Variants in GGA1 observed in about 807,000 individuals in gnomAD.
GGA1 encodes the protein golgi associated, gamma adaptin ear containing, ARF binding protein 1.
In GGA1, 18 loss-of-function variants were observed where a neutral mutation model predicts 76.9. The ratio of observed to expected loss-of-function variants is 0.23; its 90% CI spans 0.16 to 0.35. GGA1 has a LOEUF of 0.35. GGA1 is among the 10% of genes least tolerant of loss of function. GGA1 has a pLI of 1.00. For synonymous variants in GGA1, 342 were observed against 354.7 expected, an observed-to-expected ratio of 0.96 and a Z score of 0.40; for missense variants, 755 against 859.0, an observed-to-expected ratio of 0.88 and a Z score of 1.51.
At chr22:37,617,648 A>G in intron 3 of GGA1, 2 of 643,974 alleles carry the variant, frequency 3.1e-6, no homozygotes, top group Non-Finnish European at 3.9e-6. Context: ...ACAGTGAGCT[A>G]TGATTGTGCC....
chr22:37,616,690 C>T (rs1928856405), intron 2 of GGA1, among the ~76,000 whole-genome samples: 1 of 152,212 alleles, frequency 6.6e-6, no homozygotes, highest in Non-Finnish European at 1.5e-5. Context: ...TCTGGCCCTG[C>T]CCTGCCACAA....
Position 37,624,946 on chromosome 22 carries a change from C to T in GGA1, c.833-23C>T. The T allele has an allele frequency of 1.3e-6, 2 of 1,559,534 alleles. No homozygotes were observed. Among genetic ancestry groups the T allele is most frequent in the Non-Finnish European group, 1.7e-6 (2 of 1,151,740 alleles). On this transcript the variant is annotated intron_variant, in intron 9 of 16. Coordinates refer to ENST00000343632, the MANE Select transcript of GGA1 (RefSeq NM_013365.5). This position sits in a 1 kb window ranked among gnomAD's most constrained non-coding sequence, Gnocchi z 4.3. ...GGCCCCCACAGTCCTTCAGCCTGGC[C>T]TCTCCCCTCCTGCCTGTTCCAGCGG... is the stretch of plus-strand genomic sequence containing the variant.
At chr22:37,613,078 G>C in intron 1 of GGA1, 1 of 985,334 alleles carries the variant, frequency 1.0e-6, no homozygotes, top group Non-Finnish European at 1.2e-6. Context: ...CAGGCTGGGG[G>C]ACACAAAAGA....
intron 5 of GGA1, 58 bp from the exon 6 acceptor site, chr22:37,620,755 A>G: frequency 9.5e-7 from 1 of 1,047,500 alleles, no homozygotes; most frequent in South Asian, 1.3e-5. Flanking sequence ...TCCCCATGTC[A>G]CCCCTACCCC....
chr22:37,630,270 C>T, intron 13 of GGA1, 100 bp downstream of exon 13: 1 of 852,020 alleles, frequency 1.2e-6, no homozygotes, highest in Non-Finnish European at 1.8e-6. Flanking sequence ...GGGAGAGGCT[C>T]GTTGCTGTCT....
rs769757048 is a variant in GGA1 at position 37,625,857 on chromosome 22, A to G, written c.1001A>G (p.Tyr334Cys). ...GATCTCCCGCCTGCGGGCACCACCT[A>G]CCCAGCTATGCCCACCCGCCCTGGC... is the stretch of plus-strand genomic sequence containing the variant. Reference protein sequence around the residue: ...GLDLPPAGTTYPAMPTRPGEQ... With the variant: ...GLDLPPAGTTCPAMPTRPGEQ... The change falls in exon 11 of 17, where the codon TAC becomes TGC. Residue 334 changes from tyrosine (Y) to cysteine (C), a missense_variant. Tyr to Cys is a radical substitution (Grantham distance 194). Coordinates refer to ENST00000343632, the MANE Select transcript of GGA1 (RefSeq NM_013365.5). The surrounding 1 kb of genome is among the most constrained non-coding windows in gnomAD (Gnocchi z 4.1). The G allele has an allele frequency of 4.3e-6, 7 of 1,611,488 alleles. No individual in the cohort carries two copies. Among genetic ancestry groups the G allele is most frequent in the Non-Finnish European group, 5.1e-6 (6 of 1,178,732 alleles).
At position 37,623,302 on chromosome 22, in the gene GGA1, G is replaced by A; in HGVS notation, c.610-25G>A. 1 of 1,612,362 alleles carries A rather than the reference G, an allele frequency of 6.2e-7. No individual in the cohort carries two copies. Among genetic ancestry groups the A allele is most frequent in the Non-Finnish European group, 8.5e-7 (1 of 1,178,522 alleles). ...CCTCGTCCAGGCCAAAGGTTCTCAG[G>A]GGCCCTTGGCCAATGTGTCCCCAGG... On this transcript the variant is annotated intron_variant, in intron 7 of 16. Transcript: ENST00000343632. The surrounding 1 kb of genome is among the most constrained non-coding windows in gnomAD (Gnocchi z 4.6).
Position 37,620,919 on chromosome 22 carries a change from A to T in GGA1, c.528+6A>T. The T allele has an allele frequency of 6.4e-7, 1 of 1,566,946 alleles. No individual in the cohort carries two copies. The highest frequency in any genetic ancestry group is 8.8e-7 in the Non-Finnish European group (1 of 1,137,082). The stretch of plus-strand genomic sequence containing the variant: ...AAGATGAGGAGAAATCCAAGGTGAG[A>T]CTCCAAGGAGGCACATATGGGGACT... On this transcript the variant is annotated splice_donor_region_variant and intron_variant, in intron 6 of 16. Coordinates refer to ENST00000343632, the MANE Select transcript of GGA1 (RefSeq NM_013365.5).
intron 14 of GGA1, 107 bp downstream of exon 14, chr22:37,631,206 C>T (rs1242890872): frequency 2.3e-6 from 2 of 869,380 alleles, no homozygotes; most frequent in Non-Finnish European, 1.7e-6. Context: ...CTGGCTCTGC[C>T]ACTGGCCAAC....
intron 3 of GGA1, 65 bp downstream of exon 3, chr22:37,617,062 G>A: frequency 6.4e-7 from 1 of 1,555,194 alleles, no homozygotes; most frequent in Non-Finnish European, 8.7e-7. Flanking sequence ...GGCCAAGACT[G>A]AGGTTCTTGG....
chr22:37,612,166 A>T (rs1927755007), intron 1 of GGA1, among the ~76,000 whole-genome samples: 2 of 151,188 alleles, frequency 1.3e-5, no homozygotes, highest in African/African-American at 4.9e-5. Context: ...AAAAAAAAAT[A>T]AAAATAAAAA....
rs1241697204 is a variant in GGA1 at position 37,632,201 on chromosome 22, T to A, written c.1698+36T>A. The A allele has an allele frequency of 1.9e-6, 3 of 1,582,846 alleles. No individual in the cohort carries two copies. In the East Asian group the frequency reaches 6.8e-5, roughly 36 times the overall value. ...AGTCGGACAGGGCATGCCTCCCTCC[T>A]CTCAAGGCAGGGTGACATGGAGCTG... On this transcript the variant is annotated intron_variant, in intron 15 of 16. Transcript: ENST00000343632. This position sits in a 1 kb window ranked among gnomAD's most constrained non-coding sequence, Gnocchi z 5.1.
rs745588956 is a variant in GGA1, at chr22:37,632,037, C to T, written c.1570C>T (p.Arg524Cys). The change falls in exon 15 of 17, where the codon CGC becomes TGC. Residue 524 changes from arginine to cysteine, a missense_variant. Transcript: ENST00000343632. This position sits in a 1 kb window ranked among gnomAD's most constrained non-coding sequence, Gnocchi z 5.1. ...PVTVYDQHGF[R>C]ILFHFARDPL... is the part of the protein sequence containing the mutation. The stretch of plus-strand genomic sequence containing the variant: ...GACTGTGTATGACCAGCACGGCTTC[C>T]GCATCCTCTTCCATTTTGCCCGGGA... 3.3e-5 allele frequency: 53 copies of T among 1,613,254 alleles called. No individual in the cohort carries two copies. Among genetic ancestry groups the T allele is most frequent in the South Asian group, 4.4e-5 (4 of 91,088 alleles).
In GGA1 at chr22:37,630,362, C is replaced by A. The variant is rs760036453; in HGVS notation, c.1331+192C>A. ...CCCAAGGCAGACCTGGGCCCACTGG[C>A]CTGGCCTCCCCCCAGGTGTTCCCAG... On this transcript the variant is annotated intron_variant, in intron 13 of 16. Coordinates refer to ENST00000343632, the MANE Select transcript of GGA1 (RefSeq NM_013365.5). 16 of 541,138 alleles carry A rather than the reference C, an allele frequency of 3.0e-5. No homozygotes were observed. The African/African-American group carries it at 3.8e-4, about 13-fold the overall frequency. 33.5% of individuals were successfully genotyped at this position (541,138 alleles called of 1,614,324 possible).
intron 6 of GGA1, 65 bp downstream of exon 6, chr22:37,620,978 T>C: frequency 1.1e-6 from 1 of 940,472 alleles, no homozygotes; most frequent in Non-Finnish European, 1.8e-6. Context: ...GGTTCTGACC[T>C]CTAGCTGCCC....
intron 1 of GGA1, chr22:37,609,362 T>G: frequency 9.1e-7 from 1 of 1,094,010 alleles, no homozygotes; most frequent in Non-Finnish European, 1.1e-6. Flanking sequence ...AGCCCGCAAG[T>G]AGTCACATTT....
chr22:37,629,639 G>A (rs1364848550), intron 12 of GGA1, 113 bp downstream of exon 12: 2 of 689,654 alleles, frequency 2.9e-6, no homozygotes, highest in African/African-American at 1.9e-5. Flanking sequence ...AAGAGCCCAG[G>A]GCCAGGGGGT....
At chr22:37,630,332 C>G (rs1470400006) in intron 13 of GGA1, 162 bp downstream of exon 13, 1 of 582,250 alleles carries the variant, frequency 1.7e-6, no homozygotes, top group Non-Finnish European at 2.9e-6. Flanking sequence ...GGAAACACAA[C>G]AGTGCCCAAG....
At chr22:37,628,037 A>G (rs1329827057) in intron 11 of GGA1, among the ~76,000 whole-genome samples, 3 of 152,226 alleles carry the variant, frequency 2.0e-5, no homozygotes, top group African/African-American at 7.2e-5. Flanking sequence ...TGTGTTGGCC[A>G]GGCCGGTATT....
Sources: gnomAD v4.1 joint callset for allele counts (sites outside exome capture counted in the v4.1 genomes callset) on GRCh38, gnomAD v4.1.1 for gene constraint, Gnocchi (gnomAD v3.1) non-coding constraint, MANE v1.5 for transcripts, NCBI Gene and HGNC (gene_info 2026-07-23, HGNC 2026-07-21) for gene names.